EXOC2: variants seen among roughly 807,000 people sequenced by gnomAD.
EXOC2 encodes the protein exocyst complex component 2, also known as SEC5-like 1.
A neutral mutation model predicts 131.8 loss-of-function variants in EXOC2; 70 were observed. The ratio of observed to expected loss-of-function variants is 0.53; its 90% CI spans 0.44 to 0.65. EXOC2 has a LOEUF of 0.65. Among genes scored for constraint, EXOC2 ranks in the 30% least tolerant of loss-of-function variants. The pLI, the probability that EXOC2 is intolerant of heterozygous loss-of-function variation, is 0.00. For missense variants in EXOC2, 923 were observed against 1,108.6 expected (o/e 0.83, Z 2.38); for synonymous variants, 411 against 398.4 (o/e 1.03, Z -0.38).
intron 23 of EXOC2, among the ~76,000 whole-genome samples, chr6:507,875 C>A (rs1004333250): frequency 1.3e-5 from 2 of 152,304 alleles, no homozygotes; most frequent in East Asian, 1.9e-4. Flanking sequence ...AAATATTGAA[C>A]ACTTTGGATT....
At chr6:624,023 T>C (rs1761429147) in intron 4 of EXOC2, among the ~76,000 whole-genome samples, 1 of 152,258 alleles carries the variant, frequency 6.6e-6, no homozygotes, top group South Asian at 2.1e-4. Flanking sequence ...TATGAAAAAG[T>C]AGATTTTATT....
chr6:587,106 C>T (rs534857792), intron 11 of EXOC2, among the ~76,000 whole-genome samples: 1 of 152,146 alleles, frequency 6.6e-6, no homozygotes, highest in Non-Finnish European at 1.5e-5. Flanking sequence ...CCCTAGTCAA[C>T]AACAGTTGTA....
intron 23 of EXOC2, among the ~76,000 whole-genome samples, chr6:528,233 C>A (rs1237326242): frequency 6.6e-6 from 1 of 151,828 alleles, no homozygotes; most frequent in Non-Finnish European, 1.5e-5. Context: ...TTAATCACTA[C>A]ATACAGTATC....
intron 6 of EXOC2, among the ~76,000 whole-genome samples, chr6:611,490 T>C (rs1483961607): frequency 2.0e-5 from 3 of 152,226 alleles, no homozygotes; most frequent in African/African-American, 4.8e-5. Context: ...CCATCACTGA[T>C]GAGCAGGTCA....
chr6:589,820 C>T (rs1479341923), intron 11 of EXOC2, among the ~76,000 whole-genome samples: 1 of 152,200 alleles, frequency 6.6e-6, no homozygotes, highest in African/African-American at 2.4e-5. Context: ...TGTTAAAAAG[C>T]CCCAGTGGAC....
intron 1 of EXOC2, among the ~76,000 whole-genome samples, chr6:683,726 T>C (rs1441649243): frequency 1.3e-5 from 2 of 152,266 alleles, no homozygotes; most frequent in Non-Finnish European, 2.9e-5. Flanking sequence ...ACATCAACTT[T>C]GTCACTGATC....
chr6:555,278 T>G lies in EXOC2; in HGVS notation c.2003A>C (p.Tyr668Ser). The change falls in exon 20 of 28, where the codon TAC (tyrosine) becomes TCC (serine). Residue 668 changes from tyrosine to serine, a missense_variant. Tyr to Ser is a moderately radical substitution (Grantham distance 144). Coordinates refer to ENST00000230449, the MANE Select transcript of EXOC2 (RefSeq NM_018303.6). ...CTTGGTGCTCAACTGTTCCAGACAG[T>G]ATATAAAAACCTAAGTGAAAACATA... The part of the protein sequence containing the change: ...LSINIMQVFI[Y>S]CLEQLSTKPD... 1 of 1,523,214 alleles carries G rather than the reference T, an allele frequency of 6.6e-7. No homozygotes were observed. The highest frequency in any genetic ancestry group is 8.9e-7 in the Non-Finnish European group (1 of 1,121,732). 94.4% of individuals were successfully genotyped at this position (1,523,214 alleles called of 1,614,324 possible). A position where few individuals can be genotyped will look rare whatever the true frequency, so the allele number is the denominator to read the frequency against.
intron 23 of EXOC2, among the ~76,000 whole-genome samples, chr6:524,549 GTTC>G (rs1311894909): frequency 7.2e-5 from 11 of 152,048 alleles, no homozygotes; most frequent in Non-Finnish European, 1.0e-4. Flanking sequence ...TCCTTGTAAT[GTTC>G]TTGTCACATT....
chr6:498,347 G>T (rs982100703), intron 24 of EXOC2, among the ~76,000 whole-genome samples: 2 of 152,160 alleles, frequency 1.3e-5, no homozygotes, highest in Non-Finnish European at 2.9e-5. Flanking sequence ...AATTTCCACA[G>T]ATCTCACAGT....
At position 608,485 on chromosome 6, in the gene EXOC2, A is replaced by AT. The variant is rs375681480; in HGVS notation, c.742+1612dup. ...CGAATGGTCTCATAAAGAAGTGACC[A>AT]TTTATATTAAGCTGAACTTTATCCA... On this transcript the variant is annotated intron_variant, in intron 7 of 27. Coordinates refer to ENST00000230449, the MANE Select transcript of EXOC2 (RefSeq NM_018303.6). Among the ~76,000 whole-genome samples, 743 of 152,372 alleles carry AT rather than the reference A, an allele frequency of 4.9e-3. 6 individuals carry two copies. The highest frequency in any genetic ancestry group is 0.017 in the African/African-American group (715 of 41,584).
intron 22 of EXOC2, among the ~76,000 whole-genome samples, chr6:533,605 C>A (rs1002577134): frequency 6.6e-6 from 1 of 152,166 alleles, no homozygotes; most frequent in African/African-American, 2.4e-5. Flanking sequence ...ACTGTGGGGG[C>A]TCCCGATGGG....
intron 2 of EXOC2, among the ~76,000 whole-genome samples, chr6:637,313 T>C (rs1762148464): frequency 6.6e-6 from 1 of 151,812 alleles, no homozygotes; most frequent in Non-Finnish European, 1.5e-5. Context: ...TGAAGAGCAA[T>C]AAGGAACAGA....
At chr6:685,491 C>T (rs1450899695) in intron 1 of EXOC2, among the ~76,000 whole-genome samples, 8 of 152,256 alleles carry the variant, frequency 5.3e-5, no homozygotes, top group East Asian at 1.9e-4. Context: ...GGAAAGGGTT[C>T]GGGAAAATGG....
At chr6:564,377 C>T (rs1561862120) in intron 15 of EXOC2, among the ~76,000 whole-genome samples, 168 bp downstream of exon 15, 3 of 152,098 alleles carry the variant, frequency 2.0e-5, no homozygotes, top group Non-Finnish European at 2.9e-5. Context: ...ACACAAAAAC[C>T]AGGAACAGTG....
chr6:682,595 A>AT (rs1443083985), intron 1 of EXOC2, among the ~76,000 whole-genome samples: 1 of 152,124 alleles, frequency 6.6e-6, no homozygotes, highest in Non-Finnish European at 1.5e-5. Context: ...TCTCCAAAGA[A>AT]TTTTCACTTC....
intron 1 of EXOC2, among the ~76,000 whole-genome samples, chr6:691,788 C>T (rs990818642): frequency 2.0e-5 from 3 of 152,228 alleles, no homozygotes; most frequent in African/African-American, 7.2e-5. Context: ...AAAAAGATCA[C>T]TTTCTAAAAC....
chr6:598,931 T>C lies in EXOC2; in HGVS notation c.899A>G (p.Asp300Gly), dbSNP rs1759971764. 6.2e-7 allele frequency: 1 copy of C among 1,608,312 alleles called. No homozygotes were observed. The highest frequency in any genetic ancestry group is 8.5e-7 in the Non-Finnish European group (1 of 1,178,482). Residue 300 changes from aspartate to glycine, a missense_variant, in exon 9 of 28, where the codon GAT becomes GGT. Physicochemically the swap from Asp to Gly is moderately conservative, Grantham distance 94 (BLOSUM62 -1). Coordinates refer to ENST00000230449, the MANE Select transcript of EXOC2 (RefSeq NM_018303.6). ...IERNIQKGDYDVVINDYEKAK... is the reference protein window; with the variant it reads ...IERNIQKGDYGVVINDYEKAK... ...CTTTTCATAATCATTAATAACCACA[T>C]CATAATCACCCTTTAAAATAAAGAA...
Position 516,439 on chromosome 6 carries a change from C to T in EXOC2, c.2380+16030G>A, listed in dbSNP as rs115517113. 3.2e-3 allele frequency among the ~76,000 whole-genome samples: 486 copies of T among 152,338 alleles called. 2 individuals carry two copies. Among genetic ancestry groups the T allele is most frequent in the African/African-American group, 0.011 (459 of 41,576 alleles). On this transcript the variant is annotated intron_variant, in intron 23 of 27. Transcript: ENST00000230449. ...CACTGCACCCCTAGCCCCGGCCCAA[C>T]AGAGCTGTGTGGCACAGCTGGCTGA... is the stretch of plus-strand genomic sequence containing the variant.
intron 11 of EXOC2, among the ~76,000 whole-genome samples, chr6:578,140 T>A (rs1758686972): frequency 1.3e-5 from 2 of 152,194 alleles, no homozygotes. Context: ...ATGTAGTAAG[T>A]GACTGACACT....
Sources: allele counts gnomAD v4.1 joint callset (sites outside exome capture counted in the v4.1 genomes callset), GRCh38; gene constraint gnomAD v4.1.1; transcripts MANE v1.5; gene names NCBI Gene and HGNC (gene_info 2026-07-23, HGNC 2026-07-21).